AGTPBP1: variants seen among roughly 807,000 people sequenced by gnomAD.
The protein encoded by AGTPBP1 is cytosolic carboxypeptidase 1.
In AGTPBP1, 70 loss-of-function variants were observed where a neutral mutation model predicts 143.9. The observed-to-expected ratio is 0.49, with a 90% CI of 0.40 to 0.59. AGTPBP1 has a LOEUF of 0.59. AGTPBP1 is among the 20% of genes least tolerant of loss of function. The pLI, the probability that AGTPBP1 is intolerant of heterozygous loss-of-function variation, is 0.00. For synonymous variants in AGTPBP1, 463 were observed against 500.2 expected (o/e 0.93, Z 0.99); for missense variants, 1,229 against 1,464.5 (o/e 0.84, Z 2.62).
intron 9 of AGTPBP1, among the ~76,000 whole-genome samples, chr9:85,659,371 GC>G (rs1323413889): frequency 6.6e-6 from 1 of 152,036 alleles, no homozygotes; most frequent in Non-Finnish European, 1.5e-5. Context: ...GCTCCAAAAT[GC>G]CATGATTTGT....
At position 85,568,482 on chromosome 9, in the gene AGTPBP1, G is replaced by A. The variant is rs534845688; in HGVS notation, c.3503+6833C>T. ...AGTGAGAGTAGGACAAGCTCAAAGA[G>A]GAGAGGAAGGTGTAGGTGACTTACG... On this transcript the variant is annotated intron_variant, in intron 25 of 25. Transcript: ENST00000357081. 9.2e-5 allele frequency among the ~76,000 whole-genome samples: 14 copies of A among 152,316 alleles called. 1 individual carries two copies. In the South Asian group the frequency reaches 1.5e-3, roughly 16 times the overall value.
rs551806893 is a variant in AGTPBP1 at position 85,721,705 on chromosome 9, C to G, written c.-33-9139G>C. Among the ~76,000 whole-genome samples, 11 of 151,140 alleles carry G rather than the reference C, an allele frequency of 7.3e-5. No individual in the cohort carries two copies. In the East Asian group the frequency reaches 1.9e-3, roughly 27 times the overall value. ...AATATTGTTATGTGTGAATTTAATC[C>G]TGTCATTATGATGTTAGCTGGTTAT... On this transcript the variant is annotated intron_variant, in intron 1 of 25. Coordinates refer to ENST00000357081, the MANE Select transcript of AGTPBP1 (RefSeq NM_001330701.2).
chr9:85,550,194 TGAGA>T (rs761030919), intron 25 of AGTPBP1, among the ~76,000 whole-genome samples: 1,448 of 129,254 alleles, frequency 0.011, 21 homozygotes, highest in African/African-American at 0.04. Context: ...TGTGTGTGTG[TGAGA>T]GAGAGAGAGA....
intron 25 of AGTPBP1, among the ~76,000 whole-genome samples, chr9:85,550,975 ATGAATGG>A (rs1195394689): frequency 6.6e-6 from 1 of 152,142 alleles, no homozygotes; most frequent in African/African-American, 2.4e-5. Context: ...TGTTTGGGTC[ATGAATGG>A]CTTGGTGTCT....
chr9:85,782,172 G>GA, the AGTPBP1 span, among the ~76,000 whole-genome samples: 1 of 152,170 alleles, frequency 6.6e-6, no homozygotes, highest in Non-Finnish European at 1.5e-5. Flanking sequence ...GAAGACCAGT[G>GA]AAAAATAATA....
intron 19 of AGTPBP1, among the ~76,000 whole-genome samples, chr9:85,591,359 G>A (rs1391589373): frequency 6.6e-6 from 1 of 151,986 alleles, no homozygotes; most frequent in African/African-American, 2.4e-5. Flanking sequence ...GGTGGCAGCG[G>A]GAACTAATGA....
chr9:85,546,933 C>G lies in AGTPBP1; in HGVS notation c.*176G>C, dbSNP rs1038937441. The G allele has an allele frequency of 1.4e-5, 7 of 516,868 alleles. No individual in the cohort carries two copies. Among genetic ancestry groups the G allele is most frequent in the African/African-American group, 1.2e-4 (6 of 50,348 alleles). 32.0% of individuals were successfully genotyped at this position (516,868 alleles called of 1,614,324 possible). A position where few individuals can be genotyped will look rare whatever the true frequency, so the allele number is the denominator to read the frequency against. ...CATTGAATATCGAAAATAAAACAAG[C>G]GCCAATTTTATCATTAATTAATAAC... On this transcript the variant is annotated 3_prime_UTR_variant, in exon 26 of 26. Transcript: ENST00000357081.
intron 12 of AGTPBP1, among the ~76,000 whole-genome samples, chr9:85,646,113 G>C (rs1235451688): frequency 1.3e-5 from 2 of 152,136 alleles, no homozygotes; most frequent in African/African-American, 2.4e-5. Flanking sequence ...TGGTCAGAGA[G>C]AGTGAAAATA....
At chr9:85,742,263 C>G (rs150380663), upstream of AGTPBP1, among the ~76,000 whole-genome samples, 1 of 152,118 alleles carries the variant, frequency 6.6e-6, no homozygotes, top group African/African-American at 2.4e-5. Flanking sequence ...CCCTCCGTAC[C>G]GAACTGCGAG....
At chr9:85,742,355 C>T (rs892829863), upstream of AGTPBP1, among the ~76,000 whole-genome samples, 1 of 152,058 alleles carries the variant, frequency 6.6e-6, no homozygotes, top group African/African-American at 2.4e-5. Context: ...AGCCCGCGCC[C>T]ACCCCCTCCC....
chr9:85,638,119 TA>T (rs35514571), intron 13 of AGTPBP1, among the ~76,000 whole-genome samples: 5 of 151,130 alleles, frequency 3.3e-5, no homozygotes, highest in East Asian at 1.9e-4. Flanking sequence ...TTATGTTTAG[TA>T]AAAAAAAAGT....
chr9:85,690,737 A>G (rs901934053), intron 3 of AGTPBP1, among the ~76,000 whole-genome samples: 1 of 150,136 alleles, frequency 6.7e-6, no homozygotes, highest in African/African-American at 2.5e-5. Flanking sequence ...TGATAGCAGT[A>G]TGGTCAGGAG....
At chr9:85,763,605 A>C in the AGTPBP1 span, among the ~76,000 whole-genome samples, 3 of 152,046 alleles carry the variant, frequency 2.0e-5, no homozygotes, top group African/African-American at 7.2e-5. Context: ...AAAAACTATA[A>C]TGTAACTTAT....
intron 2 of AGTPBP1, among the ~76,000 whole-genome samples, chr9:85,712,256 T>C (rs62570595): frequency 0.015 from 2,252 of 151,996 alleles, 22 homozygotes; most frequent in Middle Eastern, 0.037. Context: ...GAGAGTGAAA[T>C]TCCGTCTCAA....
chr9:85,790,749 T>C, the AGTPBP1 span, among the ~76,000 whole-genome samples: 1 of 152,192 alleles, frequency 6.6e-6, no homozygotes, highest in African/African-American at 2.4e-5. Context: ...GTTCTACTGG[T>C]TAATTGTAAC....
chr9:85,704,984 T>A (rs1836890806), intron 2 of AGTPBP1, among the ~76,000 whole-genome samples: 1 of 150,678 alleles, frequency 6.6e-6, no homozygotes, highest in Admixed American at 6.6e-5. Flanking sequence ...GGACACGCAA[T>A]AAAAAGTATC....
chr9:85,793,238 A>C, the AGTPBP1 span, among the ~76,000 whole-genome samples: 3 of 152,142 alleles, frequency 2.0e-5, no homozygotes, highest in African/African-American at 7.2e-5. Context: ...TATAGCTGGA[A>C]AATAACTTTT....
At chr9:85,693,663 A>T (rs527463224) in intron 2 of AGTPBP1, among the ~76,000 whole-genome samples, 6 of 152,308 alleles carry the variant, frequency 3.9e-5, no homozygotes, top group Admixed American at 1.3e-4. Flanking sequence ...TGTAAACAAA[A>T]CAAGCAAAAA....
the AGTPBP1 span, among the ~76,000 whole-genome samples, chr9:85,747,993 T>C: frequency 9.2e-5 from 14 of 152,192 alleles, no homozygotes; most frequent in Non-Finnish European, 1.8e-4. Flanking sequence ...ATCCTAAAAT[T>C]ATCCTCCTTC....
Sources: gnomAD v4.1 joint callset for allele counts (sites outside exome capture counted in the v4.1 genomes callset) on GRCh38, gnomAD v4.1.1 for gene constraint, MANE v1.5 for transcripts, NCBI Gene and HGNC (gene_info 2026-07-23, HGNC 2026-07-21) for gene names.